Variants in HABP4 observed in about 807,000 individuals in gnomAD.
The protein encoded by HABP4 is hyaluronan binding protein 4.
In HABP4, 32 loss-of-function variants were observed where a neutral mutation model predicts 44.1. The ratio of observed to expected loss-of-function variants is 0.73; its 90% CI spans 0.55 to 0.97. The LOEUF (loss-of-function observed/expected upper bound fraction) is 0.97, where lower values mean the gene tolerates loss of function less well. HABP4 is among the 50% of genes least tolerant of loss of function. The pLI is 0.00. For synonymous variants in HABP4, 216 were observed against 218.0 expected (o/e 0.99, Z 0.08); for missense variants, 503 against 561.9 (o/e 0.90, Z 1.06).
intron 2 of HABP4, among the ~76,000 whole-genome samples, chr9:96,460,314 A>G (rs947675828): frequency 2.6e-5 from 4 of 152,154 alleles, no homozygotes; most frequent in Non-Finnish European, 5.9e-5. Context: ...GACCCCCCAC[A>G]TACTAACTGT....
At chr9:96,460,964 C>A (rs1832490728) in intron 2 of HABP4, among the ~76,000 whole-genome samples, 2 of 152,082 alleles carry the variant, frequency 1.3e-5, no homozygotes, top group South Asian at 2.1e-4. Flanking sequence ...TTATTTGTGA[C>A]AAACTCACAA....
chr9:96,465,280 C>T (rs1832580263), intron 2 of HABP4, 57 bp from the exon 3 acceptor site: 1 of 1,108,902 alleles, frequency 9.0e-7, no homozygotes, highest in South Asian at 1.3e-5. Context: ...GAATTTTTTT[C>T]TGGAGAGACC....
At chr9:96,477,782 G>GAA (rs1832805594) in intron 5 of HABP4, among the ~76,000 whole-genome samples, 1 of 152,108 alleles carries the variant, frequency 6.6e-6, no homozygotes. Flanking sequence ...GTACACTTGT[G>GAA]AAACTATCAC....
intron 5 of HABP4, among the ~76,000 whole-genome samples, chr9:96,478,053 A>T (rs1482667840): frequency 6.6e-6 from 1 of 152,200 alleles, no homozygotes. Flanking sequence ...GTAGTCTGTT[A>T]TACAGGTGGA....
rs1485699968 is a variant in HABP4 at position 96,490,528 on chromosome 9, T to C, written c.*490T>C. 1 of 152,626 alleles carries C rather than the reference T, an allele frequency of 6.6e-6. No homozygotes were observed. The highest frequency in any genetic ancestry group is 2.4e-5 in the African/African-American group (1 of 41,488). 9.5% of individuals were successfully genotyped at this position (152,626 alleles called of 1,614,324 possible). ...TACTGTTTACTTGTAAATGTTATCTTCTCTCCTGGAATATTTTGAGTTCTG... is the reference window on the plus strand; with the variant it reads ...TACTGTTTACTTGTAAATGTTATCTCCTCTCCTGGAATATTTTGAGTTCTG... On this transcript the variant is annotated 3_prime_UTR_variant, in exon 8 of 8. Coordinates refer to ENST00000375249, the MANE Select transcript of HABP4 (RefSeq NM_014282.4).
chr9:96,484,577 GA>G lies in HABP4; in HGVS notation c.945del (p.Glu315AspfsTer10). 6.3e-7 allele frequency: 1 copy of G among 1,599,008 alleles called. No homozygotes were observed. Among genetic ancestry groups the G allele is most frequent in the Non-Finnish European group, 8.6e-7 (1 of 1,166,128 alleles). ...GCCTGAGTTTAACATCCGGAAACCAGAATCCACTGTTCCTTCCAAAGCCGTG... is the reference window on the plus strand; with the variant it reads ...GCCTGAGTTTAACATCCGGAAACCAGATCCACTGTTCCTTCCAAAGCCGTG... ...PKPEFNIRKP[E>X]STVPSKAVVI... On this transcript the variant is annotated frameshift_variant, in exon 6 of 8. Coordinates refer to ENST00000375249, the MANE Select transcript of HABP4 (RefSeq NM_014282.4). LOFTEE classifies it high-confidence loss of function.
intron 5 of HABP4, 149 bp downstream of exon 5, chr9:96,471,243 A>G (rs1163567130): frequency 5.0e-6 from 3 of 605,252 alleles, no homozygotes; most frequent in African/African-American, 3.7e-5. Context: ...CCTGGGTTCA[A>G]GCGATTCTCC....
intron 5 of HABP4, among the ~76,000 whole-genome samples, chr9:96,476,248 G>C (rs1219423420): frequency 6.6e-6 from 1 of 151,980 alleles, no homozygotes; most frequent in Non-Finnish European, 1.5e-5. Context: ...CTGTAAAATG[G>C]GATATTAATT....
chr9:96,462,753 C>T (rs369255280), intron 2 of HABP4, among the ~76,000 whole-genome samples: 4 of 151,834 alleles, frequency 2.6e-5, no homozygotes, highest in Non-Finnish European at 4.4e-5. Flanking sequence ...TGGTGAAACC[C>T]GCATCTCTAC....
In HABP4 at chr9:96,490,136, G is replaced by A. The variant is rs1833064630; in HGVS notation, c.*98G>A. ...GAGTCAGACTCTAAGAACAATAGAT[G>A]TTGCTTTTCCCGTGTCATGTAAATT... On this transcript the variant is annotated 3_prime_UTR_variant, in exon 8 of 8. Transcript: ENST00000375249. The A allele has an allele frequency of 1.3e-6, 1 of 781,606 alleles. No individual in the cohort carries two copies. Among genetic ancestry groups the A allele is most frequent in the African/African-American group, 1.7e-5 (1 of 58,478 alleles). 48.4% of individuals were successfully genotyped at this position (781,606 alleles called of 1,614,324 possible).
intron 1 of HABP4, among the ~76,000 whole-genome samples, chr9:96,454,544 G>A (rs762524135): frequency 1.4e-5 from 2 of 147,470 alleles, no homozygotes; most frequent in Non-Finnish European, 3.0e-5. Flanking sequence ...TCCACCTCCC[G>A]AGTTCAGCCA....
chr9:96,481,564 G>A (rs1268724053), intron 5 of HABP4, among the ~76,000 whole-genome samples: 1 of 151,982 alleles, frequency 6.6e-6, no homozygotes, highest in Non-Finnish European at 1.5e-5. Context: ...GCTACATGGA[G>A]AGACCCCGTC....
Position 96,450,594 on chromosome 9 carries a change from GCCCGATAGC to G in HABP4, c.320_328del (p.Asp107_Pro109del). ...GCCTCCCGGCGCCCGTCGCTCAGCG[GCCCGATAGC>G]CCCGGGGGCGGCCTGCAGGCGCCGG... is the stretch of plus-strand genomic sequence containing the variant. On this transcript the variant is annotated inframe_deletion, in exon 1 of 8. Coordinates refer to ENST00000375249, the MANE Select transcript of HABP4 (RefSeq NM_014282.4). The surrounding 1 kb of genome is among the most constrained non-coding windows in gnomAD (Gnocchi z 4.8). 7.8e-7 allele frequency: 1 copy of G among 1,283,388 alleles called. No individual in the cohort carries two copies. Among genetic ancestry groups the G allele is most frequent in the Non-Finnish European group, 9.8e-7 (1 of 1,015,362 alleles). 79.5% of individuals were successfully genotyped at this position (1,283,388 alleles called of 1,614,324 possible).
intron 1 of HABP4, among the ~76,000 whole-genome samples, chr9:96,453,333 C>T (rs1289483699): frequency 2.0e-5 from 3 of 152,010 alleles, no homozygotes; most frequent in Non-Finnish European, 4.4e-5. Flanking sequence ...CTTGGCCTCC[C>T]AAAGTGCTGG....
chr9:96,473,122 C>G (rs1320714260), intron 5 of HABP4, among the ~76,000 whole-genome samples: 1 of 152,202 alleles, frequency 6.6e-6, no homozygotes, highest in Non-Finnish European at 1.5e-5. Context: ...ACTTCTGTGA[C>G]TTAAATTGTC....
intron 6 of HABP4, among the ~76,000 whole-genome samples, chr9:96,486,091 C>T (rs974857029): frequency 7.9e-5 from 12 of 152,204 alleles, no homozygotes; most frequent in African/African-American, 2.9e-4. Context: ...ACTCGGGAGG[C>T]TGAGGCAGGA....
chr9:96,450,273 C>G lies in HABP4; in HGVS notation c.-7C>G. 2.1e-6 allele frequency: 3 copies of G among 1,435,058 alleles called. No homozygotes were observed. Among genetic ancestry groups the G allele is most frequent in the Admixed American group, 2.5e-5 (1 of 40,174 alleles). The allele number at this position is 1,435,058 out of a possible 1,614,324, so 88.9% of individuals were successfully genotyped here. On this transcript the variant is annotated 5_prime_UTR_variant, in exon 1 of 8. Coordinates refer to ENST00000375249, the MANE Select transcript of HABP4 (RefSeq NM_014282.4). This position sits in a 1 kb window ranked among gnomAD's most constrained non-coding sequence, Gnocchi z 4.8. ...TGCCCTCCCGGGCCCGCAGTGGTCGCGGCGGCATGAAGGGCGCTCTGGGGA... is the reference window on the plus strand; with the variant it reads ...TGCCCTCCCGGGCCCGCAGTGGTCGGGGCGGCATGAAGGGCGCTCTGGGGA...
At position 96,470,265 on chromosome 9, in the gene HABP4, C is replaced by T. The variant is rs997055285; in HGVS notation, c.744-746C>T. 1.3e-4 allele frequency among the ~76,000 whole-genome samples: 19 copies of T among 151,818 alleles called. 1 individual carries two copies. Among genetic ancestry groups the T allele is most frequent in the Admixed American group, 9.2e-4 (14 of 15,244 alleles). On this transcript the variant is annotated intron_variant, in intron 4 of 7. Coordinates refer to ENST00000375249, the MANE Select transcript of HABP4 (RefSeq NM_014282.4). ...TCGAGACTACAGTGAGCTGTGATGG[C>T]GCCACCGCACTCCAACCACCATGCC...
At chr9:96,469,044 A>C (rs990299309) in intron 4 of HABP4, among the ~76,000 whole-genome samples, 2 of 152,208 alleles carry the variant, frequency 1.3e-5, no homozygotes, top group Admixed American at 6.5e-5. Flanking sequence ...TGACAGCAAT[A>C]ACTGGATTTA....
Sources: gnomAD v4.1 joint callset for allele counts (sites outside exome capture counted in the v4.1 genomes callset) on GRCh38, gnomAD v4.1.1 for gene constraint, Gnocchi (gnomAD v3.1) non-coding constraint, MANE v1.5 for transcripts, NCBI Gene and HGNC (gene_info 2026-07-23, HGNC 2026-07-21) for gene names.